The following RAB29 variants were observed in gnomAD, a reference collection of about 807,000 sequenced individuals.
RAB29 encodes ras-related protein Rab-29.
RAB29 carries 13 observed loss-of-function variants against 25.5 expected under a neutral mutation model. That is an observed-to-expected ratio of 0.51 (90% CI 0.33 to 0.81). The LOEUF (loss-of-function observed/expected upper bound fraction) is 0.81, where lower values mean the gene tolerates loss of function less well. Among genes scored for constraint, RAB29 ranks in the 30% least tolerant of loss-of-function variants. The pLI, the probability that RAB29 is intolerant of heterozygous loss-of-function variation, is 0.02. For synonymous variants in RAB29, 88 were observed against 95.0 expected (o/e 0.93, Z 0.43); for missense variants, 201 against 254.9 (o/e 0.79, Z 1.44).
At chr1:205,771,002 G>GA (rs1291541856) in intron 4 of RAB29, 148 bp from the exon 5 acceptor site, 5 of 1,177,598 alleles carry the variant, frequency 4.2e-6, no homozygotes, top group Non-Finnish European at 5.9e-6. Flanking sequence ...TCTTCCCAAA[G>GA]AAAGTCTCAC....
At position 205,774,822 on chromosome 1, in the gene RAB29, A is replaced by G. The variant is rs1334383534; in HGVS notation, c.124+11T>C. ...CTCCCCCTCCCCCTCCCCACCCCCG[A>G]GACGTCTCACCTCCCACCGTGGACT... is the stretch of plus-strand genomic sequence containing the variant. On this transcript the variant is annotated intron_variant, in intron 2 of 5. Coordinates refer to ENST00000367139, the MANE Select transcript of RAB29 (RefSeq NM_003929.3). 1.7e-6 allele frequency: 1 copy of G among 583,278 alleles called. No individual in the cohort carries two copies. The highest frequency in any genetic ancestry group is 4.9e-5 in the East Asian group (1 of 20,246). The allele number at this position is 583,278 out of a possible 1,614,324, so 36.1% of individuals were successfully genotyped here. A position where few individuals can be genotyped will look rare whatever the true frequency, so the allele number is the denominator to read the frequency against.
At position 205,774,926 on chromosome 1, in the gene RAB29, G is replaced by A. The variant is rs1270492713; in HGVS notation, c.31C>T (p.Leu11=). The part of the protein sequence containing the change: MGSRDHLFKV[L]VVGDAAVGKT... ...CCCACTGCGGCGTCCCCCACCACCA[G>A]CACTTTGAACAGGTGGTCGCGGCTG... Residue 11 remains leucine, a synonymous_variant, in exon 2 of 6, where the codon CTG becomes TTG. Transcript: ENST00000367139. 4.6e-5 allele frequency: 75 copies of A among 1,613,478 alleles called. No individual in the cohort carries two copies. The highest frequency in any genetic ancestry group is 6.4e-5 in the Non-Finnish European group (75 of 1,179,820).
At chr1:205,772,386 T>G in intron 3 of RAB29, 110 bp downstream of exon 3, 1 of 1,121,880 alleles carries the variant, frequency 8.9e-7, no homozygotes, top group Non-Finnish European at 1.4e-6. Context: ...AGCTCAATCA[T>G]TCCAGCTTCA....
Position 205,775,081 on chromosome 1 carries a change from T to A in RAB29, c.-125A>T, listed in dbSNP as rs1655249757. Reference sequence around the variant, plus strand: ...GTGAGGCATTCCCACCCACCGCCTGTCTGGGCTGCTCTGACGAGAAAGCAA... The same window carrying A: ...GTGAGGCATTCCCACCCACCGCCTGACTGGGCTGCTCTGACGAGAAAGCAA... On this transcript the variant is annotated 5_prime_UTR_variant, in exon 2 of 6. Coordinates refer to ENST00000367139, the MANE Select transcript of RAB29 (RefSeq NM_003929.3). The A allele has an allele frequency of 3.9e-6, 5 of 1,268,100 alleles. No homozygotes were observed. Among genetic ancestry groups the A allele is most frequent in the Non-Finnish European group, 5.5e-6 (5 of 915,442 alleles). 78.6% of individuals were successfully genotyped at this position (1,268,100 alleles called of 1,614,324 possible).
Position 205,775,013 on chromosome 1 carries a change from G to C in RAB29, c.-57C>G, listed in dbSNP as rs1388567507. 6.2e-7 allele frequency: 1 copy of C among 1,601,762 alleles called. No individual in the cohort carries two copies. Among genetic ancestry groups the C allele is most frequent in the Non-Finnish European group, 8.5e-7 (1 of 1,175,210 alleles). ...GAAGTGTGGTCGGGGATCGGGGGTC[G>C]CTCGTTTTAACCCCTTTGGATCCGG... On this transcript the variant is annotated 5_prime_UTR_variant, in exon 2 of 6. Coordinates refer to ENST00000367139, the MANE Select transcript of RAB29 (RefSeq NM_003929.3).
chr1:205,775,027 C>G lies in RAB29; in HGVS notation c.-71G>C, dbSNP rs975122621. The G allele has an allele frequency of 1.9e-6, 3 of 1,579,332 alleles. No individual in the cohort carries two copies. Among genetic ancestry groups the G allele is most frequent in the African/African-American group, 2.7e-5 (2 of 74,274 alleles). ...GATCGGGGGTCGCTCGTTTTAACCC[C>G]TTTGGATCCGGACCCTCTTCAAACT... On this transcript the variant is annotated 5_prime_UTR_variant, in exon 2 of 6. Coordinates refer to ENST00000367139, the MANE Select transcript of RAB29 (RefSeq NM_003929.3).
intron 1 of RAB29, 56 bp downstream of exon 1, chr1:205,775,217 C>T (rs936013105): frequency 3.0e-5 from 13 of 431,542 alleles, no homozygotes; most frequent in Non-Finnish European, 4.2e-5. Context: ...CCTTCCCCAC[C>T]CCCTCCTGGC....
chr1:205,774,793 CCT>C, intron 2 of RAB29, 38 bp downstream of exon 2: 2 of 1,245,290 alleles, frequency 1.6e-6, no homozygotes, highest in Non-Finnish European at 2.3e-6. Flanking sequence ...GTCGGGGCCT[CCT>C]CCTCCCCCTC....
In RAB29 at chr1:205,771,577, G is replaced by C. The variant is rs376565584; in HGVS notation, c.273C>G (p.Thr91=). The C allele has an allele frequency of 5.0e-5, 80 of 1,613,954 alleles. No individual in the cohort carries two copies. Among genetic ancestry groups the C allele is most frequent in the African/African-American group, 5.3e-5 (4 of 75,020 alleles). The change falls in exon 4 of 6, where the codon ACC becomes ACG. Residue 91 remains threonine, a synonymous_variant. Transcript: ENST00000367139. ...GGCTGTTGCTGAAGGTAGTGGCATT[G>C]GTAACGTCAAACATAATAACACAGG... The part of the protein sequence containing the change: ...ASACVIMFDV[T]NATTFSNSQR...
At position 205,775,051 on chromosome 1, in the gene RAB29, C is replaced by T; in HGVS notation, c.-95G>A. On this transcript the variant is annotated 5_prime_UTR_variant, in exon 2 of 6. Coordinates refer to ENST00000367139, the MANE Select transcript of RAB29 (RefSeq NM_003929.3). ...CCTTTGGATCCGGACCCTCTTCAAA[C>T]TGAAGTGAGGCATTCCCACCCACCG... 1 of 1,499,426 alleles carries T rather than the reference C, an allele frequency of 6.7e-7. No individual in the cohort carries two copies. The highest frequency in any genetic ancestry group is 1.2e-5 in the South Asian group (1 of 85,010). The allele number at this position is 1,499,426 out of a possible 1,614,324, so 92.9% of individuals were successfully genotyped here.
Position 205,772,570 on chromosome 1 carries a change from G to A in RAB29, c.125-3C>T. The A allele has an allele frequency of 6.2e-7, 1 of 1,609,718 alleles. No homozygotes were observed. The highest frequency in any genetic ancestry group is 8.5e-7 in the Non-Finnish European group (1 of 1,176,254). On this transcript the variant is annotated splice_region_variant and splice_polypyrimidine_tract_variant and intron_variant, in intron 2 of 5. Transcript: ENST00000367139. ...GAGAACCTTCAGAGCAAAATCCACT[G>A]AAAATATATGTACATTATACTTTAA...
Position 205,774,942 on chromosome 1 carries a change from G to T in RAB29, c.15C>A (p.Asp5Glu). ...CCACCACCAGCACTTTGAACAGGTG[G>T]TCGCGGCTGCCCATGGCTAGCGGGG... is the stretch of plus-strand genomic sequence containing the variant. MGSR[D>E]HLFKVLVVGD... Residue 5 changes from aspartate (D) to glutamate (E), a missense_variant, in exon 2 of 6, where the codon GAC (aspartate) becomes GAA (glutamate). By Grantham distance (45) the Asp-to-Glu change is conservative (BLOSUM62 2). Transcript: ENST00000367139. 6.2e-7 allele frequency: 1 copy of T among 1,613,900 alleles called. No homozygotes were observed. Among genetic ancestry groups the T allele is most frequent in the Non-Finnish European group, 8.5e-7 (1 of 1,180,026 alleles).
chr1:205,772,681 ATGTT>A, intron 2 of RAB29, 114 bp from the exon 3 acceptor site: 1 of 953,850 alleles, frequency 1.0e-6, no homozygotes, highest in Admixed American at 1.8e-5. Flanking sequence ...CCAATCCCAT[ATGTT>A]TAACTTTAAG....
At position 205,768,493 on chromosome 1, in the gene RAB29, A is replaced by G. The variant is rs1056272680; in HGVS notation, c.*1849T>C. ...CTAGGCTTCATCCCTAGAAATTCTG[A>G]TTCAGTAGGTTTGAGGTCGGGACCC... On this transcript the variant is annotated 3_prime_UTR_variant, in exon 6 of 6. Coordinates refer to ENST00000367139, the MANE Select transcript of RAB29 (RefSeq NM_003929.3). 3.3e-5 allele frequency: 5 copies of G among 151,410 alleles called. No individual in the cohort carries two copies. Among genetic ancestry groups the G allele is most frequent in the African/African-American group, 9.7e-5 (4 of 41,162 alleles). The allele number at this position is 151,410 out of a possible 1,614,324, so 9.4% of individuals were successfully genotyped here. A position where few individuals can be genotyped will look rare whatever the true frequency, so the allele number is the denominator to read the frequency against.
chr1:205,771,425 A>G, intron 4 of RAB29, 47 bp downstream of exon 4: 1 of 1,592,830 alleles, frequency 6.3e-7, no homozygotes, highest in Non-Finnish European at 8.6e-7. Context: ...CTTCCTTTCT[A>G]ACCACAGATA....
In RAB29 at chr1:205,769,342, C is replaced by G. The variant is rs1654871424; in HGVS notation, c.*1000G>C. The G allele has an allele frequency of 6.6e-6, 1 of 152,240 alleles. No homozygotes were observed. 9.4% of individuals were successfully genotyped at this position (152,240 alleles called of 1,614,324 possible). ...AACCCAGAAACCTGCAAATGGGAGA[C>G]ACTAGGCAATCCTATCATGAGGATT... On this transcript the variant is annotated 3_prime_UTR_variant, in exon 6 of 6. Coordinates refer to ENST00000367139, the MANE Select transcript of RAB29 (RefSeq NM_003929.3).
chr1:205,773,810 TG>T (rs1398347443), intron 2 of RAB29, among the ~76,000 whole-genome samples: 1 of 152,186 alleles, frequency 6.6e-6, no homozygotes, highest in Non-Finnish European at 1.5e-5. Context: ...TGGGCCCTAC[TG>T]GGGGTTCTTA....
At chr1:205,771,829 C>T (rs190673188) in intron 3 of RAB29, among the ~76,000 whole-genome samples, 176 bp from the exon 4 acceptor site, 11 of 152,274 alleles carry the variant, frequency 7.2e-5, no homozygotes, top group Admixed American at 1.3e-4. Context: ...AGGCAGATTC[C>T]GCACCCAGAT....
rs779142405 is a variant in RAB29 at position 205,774,833 on chromosome 1, C to T, written c.124G>A (p.Val42Met). The T allele has an allele frequency of 6.3e-7, 1 of 1,583,146 alleles. No homozygotes were observed. The highest frequency in any genetic ancestry group is 8.6e-7 in the Non-Finnish European group (1 of 1,159,122). The change falls in exon 2 of 6, where the codon GTG (valine) becomes ATG (methionine). Residue 42 changes from valine (V) to methionine (M), a missense_variant and splice_region_variant. Coordinates refer to ENST00000367139, the MANE Select transcript of RAB29 (RefSeq NM_003929.3). Reference sequence around the variant, plus strand: ...CCTCCCCACCCCCGAGACGTCTCACCTCCCACCGTGGACTTGTAGTGTTTG... The same window carrying T: ...CCTCCCCACCCCCGAGACGTCTCACTTCCCACCGTGGACTTGTAGTGTTTG... Reference protein sequence around the residue: ...FSKHYKSTVGVDFALKVLQWS... With the variant: ...FSKHYKSTVGMDFALKVLQWS...
Sources: allele counts gnomAD v4.1 joint callset (sites outside exome capture counted in the v4.1 genomes callset), GRCh38; gene constraint gnomAD v4.1.1; transcripts MANE v1.5; gene names NCBI Gene and HGNC (gene_info 2026-07-23, HGNC 2026-07-21).